NAALADL2: variants seen among roughly 807,000 people sequenced by gnomAD.
NAALADL2 encodes inactive N-acetylated-alpha-linked acidic dipeptidase-like protein 2.
A neutral mutation model predicts 87.2 loss-of-function variants in NAALADL2; 76 were observed. The ratio of observed to expected loss-of-function variants is 0.87; its 90% CI spans 0.72 to 1.05. The LOEUF (loss-of-function observed/expected upper bound fraction) is 1.05. Ranked by LOEUF, NAALADL2 falls within the 50% of genes least tolerant of loss-of-function variation. The pLI, the probability that NAALADL2 is intolerant of heterozygous loss-of-function variation, is 0.00. For missense variants in NAALADL2, 1,089 were observed against 945.8 expected (o/e 1.15, Z -1.99); for synonymous variants, 354 against 331.0 (o/e 1.07, Z -0.75).
At chr3:174,451,530 A>AT (rs1187449317) in intron 1 of NAALADL2, among the ~76,000 whole-genome samples, 1 of 152,168 alleles carries the variant, frequency 6.6e-6, no homozygotes, top group African/African-American at 2.4e-5. Context: ...ACCTCTAAGC[A>AT]TTTTTATAAT....
intron 2 of NAALADL2, among the ~76,000 whole-genome samples, chr3:174,663,478 AGT>A (rs2108783567): frequency 6.6e-6 from 1 of 152,284 alleles, no homozygotes; most frequent in East Asian, 1.9e-4. Context: ...GACAGCTTCT[AGT>A]CATGGCAGAA....
At chr3:175,437,709 G>T (rs2149187972) in intron 5 of NAALADL2, among the ~76,000 whole-genome samples, 1 of 151,718 alleles carries the variant, frequency 6.6e-6, no homozygotes, top group Admixed American at 6.6e-5. Flanking sequence ...TATACTACAA[G>T]GCTACAGTAA....
intron 2 of NAALADL2, among the ~76,000 whole-genome samples, chr3:175,155,708 G>T (rs1007098990): frequency 6.6e-6 from 1 of 152,064 alleles, no homozygotes; most frequent in Non-Finnish European, 1.5e-5. Context: ...ATTACATTTA[G>T]AATATGTAGC....
At chr3:174,790,156 G>A (rs1352397437) in intron 3 of NAALADL2, among the ~76,000 whole-genome samples, 1 of 152,262 alleles carries the variant, frequency 6.6e-6, no homozygotes, top group East Asian at 1.9e-4. Flanking sequence ...TAGACACTTG[G>A]TCTCCCATTT....
intron 11 of NAALADL2, among the ~76,000 whole-genome samples, chr3:175,678,457 A>G (rs142446100): frequency 0.015 from 2,278 of 152,298 alleles, 29 homozygotes; most frequent in Non-Finnish European, 0.023. Context: ...CACAATAGCA[A>G]AGACTTGGAA....
chr3:175,110,281 T>G (rs2108489931), intron 2 of NAALADL2, among the ~76,000 whole-genome samples: 1 of 151,954 alleles, frequency 6.6e-6, no homozygotes, highest in South Asian at 2.1e-4. Flanking sequence ...TTAGTTGAAC[T>G]TTGCTAATTA....
chr3:175,190,787 T>C (rs1738036126), intron 2 of NAALADL2, among the ~76,000 whole-genome samples: 1 of 151,784 alleles, frequency 6.6e-6, no homozygotes, highest in Non-Finnish European at 1.5e-5. Flanking sequence ...CCATCCTGGC[T>C]AACACGGTGA....
intron 2 of NAALADL2, among the ~76,000 whole-genome samples, chr3:175,169,622 AGTTTTTATCC>A (rs1384904032): frequency 6.6e-6 from 1 of 151,284 alleles, no homozygotes; most frequent in Non-Finnish European, 1.5e-5. Flanking sequence ...TCCAATTCTG[AGTTTTTATCC>A]GTTTTTATTT....
intron 1 of NAALADL2, among the ~76,000 whole-genome samples, chr3:174,990,957 G>T (rs1388626456): frequency 1.3e-5 from 2 of 151,966 alleles, no homozygotes; most frequent in Non-Finnish European, 2.9e-5. Context: ...ACAGAATCCT[G>T]TTCACTGTCA....
intron 10 of NAALADL2, among the ~76,000 whole-genome samples, chr3:175,578,022 T>A (rs115894793): frequency 6.6e-6 from 1 of 152,142 alleles, no homozygotes; most frequent in Non-Finnish European, 1.5e-5. Context: ...GAAAATAGAT[T>A]GGTAGATTTG....
intron 1 of NAALADL2, among the ~76,000 whole-genome samples, chr3:174,540,341 C>T (rs1722112246): frequency 6.6e-6 from 1 of 152,138 alleles, no homozygotes; most frequent in Non-Finnish European, 1.5e-5. Flanking sequence ...GGGGTCATTT[C>T]CTGTGCTTAT....
intron 2 of NAALADL2, among the ~76,000 whole-genome samples, chr3:175,196,269 A>G (rs982282355): frequency 2.0e-5 from 3 of 151,926 alleles, no homozygotes; most frequent in Non-Finnish European, 4.4e-5. Flanking sequence ...CCACAAAACC[A>G]TATAGTTAGC....
chr3:175,611,716 A>G (rs376092976), intron 10 of NAALADL2, among the ~76,000 whole-genome samples: 1 of 152,274 alleles, frequency 6.6e-6, no homozygotes, highest in East Asian at 1.9e-4. Flanking sequence ...CTTTCTTTAT[A>G]TTTTAATTTA....
At chr3:175,299,154 C>T (rs1043501167) in intron 4 of NAALADL2, among the ~76,000 whole-genome samples, 21 of 152,096 alleles carry the variant, frequency 1.4e-4, no homozygotes, top group South Asian at 4.1e-4. Context: ...CAGTACCATG[C>T]GGTTTTGGTT....
intron 11 of NAALADL2, among the ~76,000 whole-genome samples, chr3:175,729,329 A>G (rs906653033): frequency 8.5e-5 from 13 of 152,100 alleles, no homozygotes; most frequent in Non-Finnish European, 1.6e-4. Flanking sequence ...TGATTCATCT[A>G]CTATTTGTCA....
intron 9 of NAALADL2, among the ~76,000 whole-genome samples, chr3:175,502,633 T>C (rs1204160716): frequency 6.6e-6 from 1 of 152,072 alleles, no homozygotes; most frequent in African/African-American, 2.4e-5. Flanking sequence ...CTGCATATGT[T>C]GGAACTTCAC....
intron 10 of NAALADL2, among the ~76,000 whole-genome samples, chr3:175,605,315 C>T (rs1194240947): frequency 6.6e-6 from 1 of 151,954 alleles, no homozygotes; most frequent in Non-Finnish European, 1.5e-5. Flanking sequence ...AATGTTTGCT[C>T]AAATCTACAT....
chr3:174,902,055 T>G (rs1272805322), intron 1 of NAALADL2, among the ~76,000 whole-genome samples: 4 of 152,126 alleles, frequency 2.6e-5, no homozygotes, highest in African/African-American at 9.7e-5. Flanking sequence ...CTCGTTTAAA[T>G]GCAGATCCTG....
chr3:175,256,650 G>A, intron 4 of NAALADL2, 120 bp downstream of exon 4: 1 of 874,360 alleles, frequency 1.1e-6, no homozygotes, highest in Admixed American at 3.9e-5. Context: ...AGAGAGAAGG[G>A]GAGAGGAAGA....
Sources: gnomAD v4.1 joint callset for allele counts (sites outside exome capture counted in the v4.1 genomes callset) on GRCh38, gnomAD v4.1.1 for gene constraint, MANE v1.5 for transcripts, NCBI Gene and HGNC (gene_info 2026-07-23, HGNC 2026-07-21) for gene names.